SOBP: variants seen among roughly 807,000 people sequenced by gnomAD.
SOBP encodes the protein sine oculis binding protein homolog, also known as sine oculis-binding protein homolog.
SOBP carries 4 observed loss-of-function variants against 53.6 expected under a neutral mutation model. That is an observed-to-expected ratio of 0.07 (90% CI 0.04 to 0.17). The LOEUF (loss-of-function observed/expected upper bound fraction) is 0.17. Ranked by LOEUF, SOBP falls within the 10% of genes least tolerant of loss-of-function variation. SOBP has a pLI of 1.00. For synonymous variants in SOBP, 584 were observed against 522.6 expected (o/e 1.12, Z -1.60); for missense variants, 1,088 against 1,204.7 (o/e 0.90, Z 1.43).
chr6:107,638,181 C>G (rs886119130), intron 6 of SOBP, among the ~76,000 whole-genome samples: 1 of 147,698 alleles, frequency 6.8e-6, no homozygotes, highest in Admixed American at 6.9e-5. Flanking sequence ...CATTCTCTGG[C>G]CCTTCCTGGT....
intron 4 of SOBP, among the ~76,000 whole-genome samples, chr6:107,545,704 A>G (rs757856342): frequency 2.6e-5 from 4 of 151,710 alleles, no homozygotes; most frequent in Non-Finnish European, 4.4e-5. Flanking sequence ...GGCTAGCTAC[A>G]CCTTTACCTG....
chr6:107,497,518 C>T (rs1168636542), intron 1 of SOBP, among the ~76,000 whole-genome samples: 1 of 149,240 alleles, frequency 6.7e-6, no homozygotes, highest in Admixed American at 6.6e-5. Context: ...AAAAGAAAAA[C>T]AAAGCCTGTA....
chr6:107,657,773 G>A (rs1315168986), intron 6 of SOBP, among the ~76,000 whole-genome samples: 1 of 151,736 alleles, frequency 6.6e-6, no homozygotes, highest in Non-Finnish European at 1.5e-5. Flanking sequence ...AAACTGGGAG[G>A]CAGAGATTGC....
intron 1 of SOBP, among the ~76,000 whole-genome samples, chr6:107,496,101 T>A (rs1035825928): frequency 2.0e-5 from 3 of 152,212 alleles, no homozygotes; most frequent in Admixed American, 2.0e-4. Context: ...TTAGGATCTG[T>A]AGACCGATGG....
At chr6:107,569,767 C>T (rs1421257459) in intron 4 of SOBP, among the ~76,000 whole-genome samples, 2 of 152,188 alleles carry the variant, frequency 1.3e-5, no homozygotes, top group Non-Finnish European at 2.9e-5. Flanking sequence ...TCGAGGTGCC[C>T]CTGCCAAAAT....
At chr6:107,571,915 T>G (rs989012484) in intron 4 of SOBP, among the ~76,000 whole-genome samples, 7 of 152,202 alleles carry the variant, frequency 4.6e-5, no homozygotes. Flanking sequence ...ATGTGGTACC[T>G]GTGGAGCAGC....
chr6:107,622,992 C>T (rs1014448938), intron 5 of SOBP, among the ~76,000 whole-genome samples: 9 of 152,304 alleles, frequency 5.9e-5, no homozygotes, highest in African/African-American at 2.2e-4. Flanking sequence ...TGAAGGGAAT[C>T]CTACTTTGAC....
intron 1 of SOBP, among the ~76,000 whole-genome samples, chr6:107,497,244 A>G (rs992103210): frequency 6.6e-6 from 1 of 152,218 alleles, no homozygotes; most frequent in Non-Finnish European, 1.5e-5. Flanking sequence ...CCCATGCTTT[A>G]TAAATTGTTT....
chr6:107,512,102 G>T (rs924484716), intron 3 of SOBP, among the ~76,000 whole-genome samples: 1 of 152,106 alleles, frequency 6.6e-6, no homozygotes, highest in South Asian at 2.1e-4. Context: ...AATAATAAAA[G>T]TATTGACCAA....
chr6:107,536,028 A>T (rs1783988418), intron 4 of SOBP, among the ~76,000 whole-genome samples: 1 of 151,906 alleles, frequency 6.6e-6, no homozygotes, highest in African/African-American at 2.4e-5. Context: ...TACATAACAG[A>T]TTTTTTTTCT....
chr6:107,557,340 A>T (rs116111345), intron 4 of SOBP, among the ~76,000 whole-genome samples: 3,124 of 152,346 alleles, frequency 0.021, 101 homozygotes, highest in African/African-American at 0.072. Flanking sequence ...TAAATATATC[A>T]TAAGGATAAA....
chr6:107,546,269 GT>G (rs1784298778), intron 4 of SOBP, among the ~76,000 whole-genome samples: 1 of 152,198 alleles, frequency 6.6e-6, no homozygotes, highest in African/African-American at 2.4e-5. Flanking sequence ...TCCCTGTCCT[GT>G]ATCAATCTGT....
chr6:107,525,997 G>A (rs962123208), intron 3 of SOBP, among the ~76,000 whole-genome samples: 1 of 151,842 alleles, frequency 6.6e-6, no homozygotes, highest in African/African-American at 2.4e-5. Flanking sequence ...GCCCGGGCTG[G>A]AGTGCAATGG....
intron 3 of SOBP, among the ~76,000 whole-genome samples, chr6:107,512,734 T>G (rs1451483786): frequency 6.8e-6 from 1 of 147,064 alleles, no homozygotes; most frequent in African/African-American, 2.7e-5. Context: ...CTCCCAAAAT[T>G]TTTTTTTTAA....
At chr6:107,498,733 A>G (rs1782760445) in intron 1 of SOBP, among the ~76,000 whole-genome samples, 1 of 152,204 alleles carries the variant, frequency 6.6e-6, no homozygotes, top group Non-Finnish European at 1.5e-5. Context: ...GAGTAAAGAC[A>G]TAGTAAAATT....
At chr6:107,599,307 A>G (rs1359218972) in intron 5 of SOBP, among the ~76,000 whole-genome samples, 2 of 152,172 alleles carry the variant, frequency 1.3e-5, no homozygotes, top group Non-Finnish European at 2.9e-5. Flanking sequence ...TGTAACTAAT[A>G]AAGATAAATC....
intron 5 of SOBP, among the ~76,000 whole-genome samples, chr6:107,588,398 A>G (rs1369587667): frequency 6.6e-6 from 1 of 152,172 alleles, no homozygotes; most frequent in Admixed American, 6.5e-5. Flanking sequence ...CCACAGGCAA[A>G]TTTGCTGCTT....
chr6:107,576,588 C>T (rs1785232308), intron 4 of SOBP, among the ~76,000 whole-genome samples: 1 of 152,104 alleles, frequency 6.6e-6, no homozygotes, highest in Non-Finnish European at 1.5e-5. Flanking sequence ...GATCAAAGGG[C>T]CAGGGCAGGA....
intron 1 of SOBP, 107 bp from the exon 2 acceptor site, chr6:107,503,550 G>C: frequency 8.1e-7 from 1 of 1,227,384 alleles, no homozygotes; most frequent in Non-Finnish European, 1.2e-6. Flanking sequence ...GGGAAGTGAG[G>C]CAGGGCTGCA....
Sources: gnomAD v4.1 joint callset for allele counts (sites outside exome capture counted in the v4.1 genomes callset) on GRCh38, gnomAD v4.1.1 for gene constraint, MANE v1.5 for transcripts, NCBI Gene and HGNC (gene_info 2026-07-23, HGNC 2026-07-21) for gene names.